The following NPAS2 variants were observed in gnomAD, a reference collection of about 807,000 sequenced individuals.
The protein encoded by NPAS2 is neuronal PAS domain-containing protein 2.
A neutral mutation model predicts 107.5 loss-of-function variants in NPAS2; 23 were observed. The observed-to-expected ratio is 0.21, with a 90% CI of 0.15 to 0.30. The LOEUF (loss-of-function observed/expected upper bound fraction) is 0.30. Ranked by LOEUF, NPAS2 falls within the 10% of genes least tolerant of loss-of-function variation. The pLI is 1.00. For missense variants in NPAS2, 756 were observed against 1,043.3 expected, an observed-to-expected ratio of 0.72 and a Z score of 3.79; for synonymous variants, 403 against 417.5, an observed-to-expected ratio of 0.97 and a Z score of 0.42.
At chr2:100,852,654 C>G (rs903735601) in intron 1 of NPAS2, among the ~76,000 whole-genome samples, 1 of 152,110 alleles carries the variant, frequency 6.6e-6, no homozygotes, top group Non-Finnish European at 1.5e-5. Context: ...TGGAGCACTG[C>G]AGGAAGGGAT....
intron 2 of NPAS2, among the ~76,000 whole-genome samples, chr2:100,919,219 A>G (rs142115339): frequency 2.2e-3 from 333 of 152,266 alleles, no homozygotes; most frequent in Admixed American, 7.6e-3. Context: ...AGCTGGCCAG[A>G]GTTTTGTGGG....
At chr2:100,846,817 T>A (rs372957899) in intron 1 of NPAS2, 13 of 152,326 alleles carry the variant, frequency 8.5e-5, no homozygotes, top group African/African-American at 2.9e-4. Context: ...CATCTACTCA[T>A]GCTATTCTCA....
Position 100,987,740 on chromosome 2 carries a change from G to A in NPAS2, c.1630-339G>A, listed in dbSNP as rs367958384. The A allele has an allele frequency of 1.0e-4, 30 of 290,584 alleles. 1 individual carries two copies. In the East Asian group the frequency reaches 2.1e-3, roughly 20 times the overall value. The allele number at this position is 290,584 out of a possible 1,614,324, so 18.0% of individuals were successfully genotyped here. On this transcript the variant is annotated intron_variant, in intron 16 of 20. Transcript: ENST00000335681. ...CTCACCAGGTATTTCTCCCTTCTAG[G>A]AAGAAGCTGGTAAGCCAACCTCGAC...
intron 1 of NPAS2, among the ~76,000 whole-genome samples, chr2:100,870,291 G>A (rs1679503045): frequency 6.6e-6 from 1 of 152,108 alleles, no homozygotes; most frequent in Admixed American, 6.5e-5. Flanking sequence ...GGCTGTCCAG[G>A]GTATACACTG....
At chr2:100,904,833 G>T in intron 2 of NPAS2, 47 bp downstream of exon 2, 1 of 1,434,932 alleles carries the variant, frequency 7.0e-7, no homozygotes, top group Middle Eastern at 1.8e-4. Flanking sequence ...CTGGCCCCCG[G>T]GGGTCTGCCT....
Position 100,968,888 on chromosome 2 carries a change from G to T in NPAS2, c.1055+460G>T, listed in dbSNP as rs1676385503. Among the ~76,000 whole-genome samples, 1 of 152,204 alleles carries T rather than the reference G, an allele frequency of 6.6e-6. No homozygotes were observed. The highest frequency in any genetic ancestry group is 2.4e-5 in the African/African-American group (1 of 41,450). On this transcript the variant is annotated intron_variant, in intron 11 of 20. Coordinates refer to ENST00000335681, the MANE Select transcript of NPAS2 (RefSeq NM_002518.4). The surrounding 1 kb of genome is among the most constrained non-coding windows in gnomAD (Gnocchi z 5.3). ...AAAACCCCTGCTGGCAACTGAGGCA[G>T]TGTTGGGAAAACAGCCTGGCTGCCA...
At chr2:100,952,989 G>A (rs1016543318) in intron 7 of NPAS2, among the ~76,000 whole-genome samples, 3 of 151,952 alleles carry the variant, frequency 2.0e-5, no homozygotes, top group Non-Finnish European at 4.4e-5. Context: ...CTTGAGACAA[G>A]AGTTCCCCAT....
chr2:100,975,366 G>T, intron 13 of NPAS2, 92 bp from the exon 14 acceptor site: 1 of 1,119,816 alleles, frequency 8.9e-7, no homozygotes, highest in East Asian at 2.5e-5. Flanking sequence ...GCGAGCTCTT[G>T]TACTGTGCAC....
upstream of NPAS2, among the ~76,000 whole-genome samples, chr2:100,819,090 G>T (rs1027966526): frequency 6.6e-6 from 1 of 151,710 alleles, no homozygotes. This position sits in a 1 kb window ranked among gnomAD's most constrained non-coding sequence, Gnocchi z 5.8. Flanking sequence ...CCTGTTTCTC[G>T]CGCGCGCCTC....
At chr2:100,852,182 G>C (rs981253767) in intron 1 of NPAS2, among the ~76,000 whole-genome samples, 1 of 152,026 alleles carries the variant, frequency 6.6e-6, no homozygotes, top group South Asian at 2.1e-4. Context: ...GGATCACGAG[G>C]TCAGGAGATC....
At chr2:100,934,651 C>G (rs1389248955) in intron 4 of NPAS2, among the ~76,000 whole-genome samples, 1 of 152,170 alleles carries the variant, frequency 6.6e-6, no homozygotes, top group Non-Finnish European at 1.5e-5. Flanking sequence ...CTGACTGTGT[C>G]AGGCTTCTCT....
intron 1 of NPAS2, among the ~76,000 whole-genome samples, chr2:100,829,264 A>C (rs567051336): frequency 2.0e-4 from 30 of 150,902 alleles, no homozygotes; most frequent in African/African-American, 7.3e-4. Context: ...AGCTCACTAC[A>C]ACCTCAGCCT....
rs144644234 is a variant in NPAS2, at chr2:100,982,548, G to A, written c.1629+171G>A. ...CTGCAAAGGACAAGGAACAAATCCCGGTCCCCATCCCTGCCTCCAGGCCAC... is the reference window on the plus strand; with the variant it reads ...CTGCAAAGGACAAGGAACAAATCCCAGTCCCCATCCCTGCCTCCAGGCCAC... On this transcript the variant is annotated intron_variant, in intron 16 of 20. Coordinates refer to ENST00000335681, the MANE Select transcript of NPAS2 (RefSeq NM_002518.4). 693 of 737,700 alleles carry A rather than the reference G, an allele frequency of 9.4e-4. 6 individuals carry two copies. The East Asian group carries it at 0.016, about 17-fold the overall frequency. 45.7% of individuals were successfully genotyped at this position (737,700 alleles called of 1,614,324 possible).
intron 19 of NPAS2, among the ~76,000 whole-genome samples, chr2:100,993,091 G>A (rs1489886055): frequency 6.6e-6 from 1 of 151,904 alleles, no homozygotes; most frequent in African/African-American, 2.4e-5. Flanking sequence ...CATGACACCT[G>A]GCTAATTTTT....
rs371294832 is a variant in NPAS2, at chr2:100,975,611, T to C, written c.1392+44T>C. On this transcript the variant is annotated intron_variant, in intron 14 of 20. Transcript: ENST00000335681. ...ACTCCTCCACGGGTGTACGCTACAATGTGGTGGGGGCTGCAGAGCCAGGCG... is the reference window on the plus strand; with the variant it reads ...ACTCCTCCACGGGTGTACGCTACAACGTGGTGGGGGCTGCAGAGCCAGGCG... 8.3e-5 allele frequency: 118 copies of C among 1,418,838 alleles called. No individual in the cohort carries two copies. In the African/African-American group the frequency reaches 1.5e-3, roughly 18 times the overall value. 87.9% of individuals were successfully genotyped at this position (1,418,838 alleles called of 1,614,324 possible).
At chr2:100,904,505 A>G (rs1020109977) in intron 1 of NPAS2, among the ~76,000 whole-genome samples, 4 of 30,774 alleles carry the variant, frequency 1.3e-4, no homozygotes, top group Non-Finnish European at 3.4e-4. Context: ...CCGATGCCCA[A>G]TGAAAGAGTG....
At chr2:100,895,617 C>T (rs80106797) in intron 1 of NPAS2, among the ~76,000 whole-genome samples, 316 of 152,304 alleles carry the variant, frequency 2.1e-3, no homozygotes, top group Middle Eastern at 0.01. Context: ...CCCTCCTCCC[C>T]GCCCCTCCAC....
intron 1 of NPAS2, among the ~76,000 whole-genome samples, chr2:100,865,928 G>C (rs939856033): frequency 1.3e-5 from 2 of 152,190 alleles, no homozygotes; most frequent in Admixed American, 6.5e-5. Flanking sequence ...CCCTGGCCCT[G>C]ATATCTCTTT....
chr2:100,820,707 T>G lies in NPAS2; in HGVS notation c.-23+293T>G, dbSNP rs76555049. 0.12 allele frequency among the ~76,000 whole-genome samples: 17,754 copies of G among 152,120 alleles called. 1,083 individuals carry two copies. The highest frequency in any genetic ancestry group is 0.15 in the South Asian group (714 of 4,826). ...AGACAGAGGACTGGGCATCCGAGCCTCGGAATTTGGGGGTCCTCGGGGTGT... is the reference window on the plus strand; with the variant it reads ...AGACAGAGGACTGGGCATCCGAGCCGCGGAATTTGGGGGTCCTCGGGGTGT... On this transcript the variant is annotated intron_variant, in intron 1 of 20. Transcript: ENST00000335681. The surrounding 1 kb of genome is among the most constrained non-coding windows in gnomAD (Gnocchi z 5.6).
Sources: allele counts gnomAD v4.1 joint callset (sites outside exome capture counted in the v4.1 genomes callset), GRCh38; gene constraint gnomAD v4.1.1; non-coding constraint Gnocchi (gnomAD v3.1); transcripts MANE v1.5; gene names NCBI Gene and HGNC (gene_info 2026-07-23, HGNC 2026-07-21).